C10orf90: variants seen among roughly 807,000 people sequenced by gnomAD.
C10orf90 encodes the protein chromosome 10 open reading frame 90.
A neutral mutation model predicts 62.5 loss-of-function variants in C10orf90; 56 were observed. The observed-to-expected ratio is 0.90, with a 90% CI of 0.72 to 1.12. The LOEUF (loss-of-function observed/expected upper bound fraction) is 1.12, where lower values mean the gene tolerates loss of function less well. Ranked by LOEUF, C10orf90 falls within the 50% of genes most tolerant of loss-of-function variation. The pLI is 0.00. For missense variants in C10orf90, 970 were observed against 880.4 expected, an observed-to-expected ratio of 1.10 and a Z score of -1.29; for synonymous variants, 386 against 340.4, an observed-to-expected ratio of 1.13 and a Z score of -1.47.
intron 4 of C10orf90, among the ~76,000 whole-genome samples, chr10:126,500,975 C>G (rs2133872531): frequency 6.6e-6 from 1 of 152,310 alleles, no homozygotes; most frequent in African/African-American, 2.4e-5. Flanking sequence ...ACAGAAGATC[C>G]TGCTCATGAG....
At chr10:126,582,470 A>T (rs1314758400) in intron 2 of C10orf90, among the ~76,000 whole-genome samples, 4 of 152,222 alleles carry the variant, frequency 2.6e-5, no homozygotes, top group African/African-American at 9.6e-5. Context: ...GGATGTGCAT[A>T]TCTGCAACCT....
At chr10:126,649,964 G>C (rs1221178027) in intron 1 of C10orf90, among the ~76,000 whole-genome samples, 1 of 152,004 alleles carries the variant, frequency 6.6e-6, no homozygotes, top group Non-Finnish European at 1.5e-5. Flanking sequence ...AGGTAGAATG[G>C]GAGCTTGGGA....
At chr10:126,480,490 C>T (rs887625314) in intron 4 of C10orf90, among the ~76,000 whole-genome samples, 4 of 152,218 alleles carry the variant, frequency 2.6e-5, no homozygotes, top group Admixed American at 6.5e-5. Flanking sequence ...ACGGCTATAC[C>T]TCCATGTACC....
At chr10:126,622,602 C>A (rs1206008746) in intron 2 of C10orf90, among the ~76,000 whole-genome samples, 3 of 152,214 alleles carry the variant, frequency 2.0e-5, no homozygotes, top group East Asian at 3.9e-4. Context: ...CTGGCCTCAA[C>A]TGTCAATAGT....
chr10:126,481,726 C>G (rs1861170307), intron 4 of C10orf90, among the ~76,000 whole-genome samples: 1 of 152,160 alleles, frequency 6.6e-6, no homozygotes, highest in Non-Finnish European at 1.5e-5. Context: ...CCTCCTATCT[C>G]TCCCCGTTCA....
intron 2 of C10orf90, among the ~76,000 whole-genome samples, chr10:126,606,278 G>A (rs1343416990): frequency 6.6e-6 from 1 of 152,220 alleles, no homozygotes; most frequent in East Asian, 1.9e-4. Context: ...CACCCTTGTA[G>A]GTTATAATCA....
chr10:126,468,008 T>C (rs900125196), intron 4 of C10orf90, among the ~76,000 whole-genome samples: 3 of 151,916 alleles, frequency 2.0e-5, no homozygotes, highest in African/African-American at 7.3e-5. Context: ...CTCTTAATTT[T>C]CCCACCTATG....
At chr10:126,439,959 TG>T (rs1348462680) in intron 7 of C10orf90, among the ~76,000 whole-genome samples, 1 of 152,092 alleles carries the variant, frequency 6.6e-6, no homozygotes, top group Admixed American at 6.5e-5. Flanking sequence ...AGGAATCCTT[TG>T]GGAGGGCAGC....
intron 7 of C10orf90, 59 bp from the exon 8 acceptor site, chr10:126,429,909 A>G: frequency 7.1e-7 from 1 of 1,412,884 alleles, no homozygotes; most frequent in Non-Finnish European, 1.0e-6. Flanking sequence ...ACATTTCTAG[A>G]GAAACATTGT....
chr10:126,569,054 A>G (rs1201661999), intron 2 of C10orf90, among the ~76,000 whole-genome samples: 1 of 152,056 alleles, frequency 6.6e-6, no homozygotes, highest in African/African-American at 2.4e-5. Context: ...GTGCAGGGTG[A>G]CGTCAGCTGG....
chr10:126,614,318 A>G (rs535943766), intron 2 of C10orf90, among the ~76,000 whole-genome samples: 1 of 152,306 alleles, frequency 6.6e-6, no homozygotes, highest in East Asian at 1.9e-4. Flanking sequence ...GAAAGGAATC[A>G]CAATGTCTAG....
chr10:126,626,984 T>C (rs1407088625), intron 2 of C10orf90, among the ~76,000 whole-genome samples: 8 of 139,084 alleles, frequency 5.8e-5, no homozygotes, highest in African/African-American at 2.1e-4. Context: ...TAGATTTTTC[T>C]TTTTCTTTTT....
intron 2 of C10orf90, among the ~76,000 whole-genome samples, chr10:126,604,959 G>A (rs1330358197): frequency 6.6e-6 from 1 of 152,162 alleles, no homozygotes; most frequent in Non-Finnish European, 1.5e-5. Flanking sequence ...TTTTGATCCC[G>A]TGCCACCCCA....
At chr10:126,454,564 C>A (rs1794566587) in intron 7 of C10orf90, among the ~76,000 whole-genome samples, 1 of 151,446 alleles carries the variant, frequency 6.6e-6, no homozygotes, top group African/African-American at 2.4e-5. Context: ...AGCTGTACCC[C>A]TACTGCCTGC....
chr10:126,613,820 C>T (rs1845488238), intron 2 of C10orf90, among the ~76,000 whole-genome samples: 1 of 152,192 alleles, frequency 6.6e-6, no homozygotes, highest in Non-Finnish European at 1.5e-5. Context: ...CTGGCTTATG[C>T]ATGAGCCAAG....
chr10:126,526,562 C>T (rs1400395817), intron 2 of C10orf90, among the ~76,000 whole-genome samples: 1 of 152,068 alleles, frequency 6.6e-6, no homozygotes, highest in East Asian at 1.9e-4. Flanking sequence ...TTTTTAATAA[C>T]AGCTTTATTG....
intron 1 of C10orf90, among the ~76,000 whole-genome samples, 166 bp from the exon 2 acceptor site, chr10:126,646,803 G>A (rs1384334707): frequency 6.6e-6 from 1 of 151,998 alleles, no homozygotes; most frequent in East Asian, 1.9e-4. Flanking sequence ...TTTTCTCCTG[G>A]GTTACCTCTA....
At chr10:126,497,450 C>T (rs548514062) in intron 4 of C10orf90, among the ~76,000 whole-genome samples, 3 of 152,318 alleles carry the variant, frequency 2.0e-5, no homozygotes, top group African/African-American at 4.8e-5. Context: ...CTCTGAGCAT[C>T]GCTTCTTCAC....
At chr10:126,534,726 T>C (rs1864188789) in intron 2 of C10orf90, among the ~76,000 whole-genome samples, 1 of 151,406 alleles carries the variant, frequency 6.6e-6, no homozygotes, top group African/African-American at 2.4e-5. Flanking sequence ...ACTCTGGGTT[T>C]GTGTGTTTCT....
Sources: gnomAD v4.1 joint callset for allele counts (sites outside exome capture counted in the v4.1 genomes callset) on GRCh38, gnomAD v4.1.1 for gene constraint, MANE v1.5 for transcripts, NCBI Gene and HGNC (gene_info 2026-07-23, HGNC 2026-07-21) for gene names.